GPC6: variants seen among roughly 807,000 people sequenced by gnomAD.
GPC6 encodes glypican-6.
In GPC6, 14 loss-of-function variants were observed where a neutral mutation model predicts 55.2. That is an observed-to-expected ratio of 0.25 (90% CI 0.17 to 0.40). GPC6 has a LOEUF of 0.40. Ranked by LOEUF, GPC6 falls within the 10% of genes least tolerant of loss-of-function variation. The probability of loss-of-function intolerance (pLI) is 1.00; values close to 1 mark genes in which losing one functional copy is unlikely to be tolerated. For missense variants in GPC6, 641 were observed against 708.5 expected, an observed-to-expected ratio of 0.90 and a Z score of 1.08; for synonymous variants, 278 against 259.6, an observed-to-expected ratio of 1.07 and a Z score of -0.68.
chr13:94,075,035 T>C (rs1440496331), intron 4 of GPC6, among the ~76,000 whole-genome samples: 1 of 152,232 alleles, frequency 6.6e-6, no homozygotes, highest in Non-Finnish European at 1.5e-5. Context: ...ATACTCATTA[T>C]GATTATAAAT....
Position 93,930,275 on chromosome 13 carries a change from G to GTTTTTTTT in GPC6, c.712-97448_712-97441dup, listed in dbSNP as rs35858695. 3.2e-5 allele frequency among the ~76,000 whole-genome samples: 4 copies of GTTTTTTTT among 123,854 alleles called. 1 individual carries two copies. Among genetic ancestry groups the GTTTTTTTT allele is most frequent in the African/African-American group, 1.3e-4 (4 of 31,306 alleles). The allele number at this position is 123,854 out of a possible 152,430, so 81.3% of individuals were successfully genotyped here. On this transcript the variant is annotated intron_variant, in intron 3 of 8. Transcript: ENST00000377047. ...TTTTAAAGGTTATTGGAAACGAAAG[G>GTTTTTTTT]TTTTTTTTTTTTTGTAGACAGAGTC...
intron 2 of GPC6, among the ~76,000 whole-genome samples, chr13:93,763,305 T>C (rs1412829373): frequency 1.3e-5 from 2 of 152,218 alleles, no homozygotes; most frequent in Non-Finnish European, 2.9e-5. Context: ...TTCCCTATGA[T>C]GCATGGAGCA....
At chr13:94,201,634 G>T (rs773819660) in intron 4 of GPC6, among the ~76,000 whole-genome samples, 1 of 152,048 alleles carries the variant, frequency 6.6e-6, no homozygotes. Context: ...AGCATCAGCT[G>T]ATCAATAAAA....
chr13:94,393,277 C>T (rs1262473531), intron 7 of GPC6, among the ~76,000 whole-genome samples: 3 of 152,058 alleles, frequency 2.0e-5, no homozygotes, highest in African/African-American at 7.2e-5. Context: ...CACAATCAAA[C>T]ATATTAGTAT....
At position 93,693,461 on chromosome 13, in the gene GPC6, C is replaced by CTGTGTGTGTGTGTG. The variant is rs35459356; in HGVS notation, c.320-136665_320-136652dup. Among the ~76,000 whole-genome samples, 1,208 of 139,412 alleles carry CTGTGTGTGTGTGTG rather than the reference C, an allele frequency of 8.7e-3. 11 individuals are homozygous for CTGTGTGTGTGTGTG. Among genetic ancestry groups the CTGTGTGTGTGTGTG allele is most frequent in the Middle Eastern group, 0.012 (3 of 246 alleles). The allele number at this position is 139,412 out of a possible 152,430, so 91.5% of individuals were successfully genotyped here. A position where few individuals can be genotyped will look rare whatever the true frequency, so the allele number is the denominator to read the frequency against. ...TATATGTGTGTGTGTGTATGTATAT[C>CTGTGTGTGTGTGTG]TGTGTGTGTGTGTGTGTGTGTGTGT... On this transcript the variant is annotated intron_variant, in intron 2 of 8. Coordinates refer to ENST00000377047, the MANE Select transcript of GPC6 (RefSeq NM_005708.5).
chr13:94,288,903 ATATATATTT>A (rs1176617374), intron 5 of GPC6, among the ~76,000 whole-genome samples: 9 of 130,780 alleles, frequency 6.9e-5, no homozygotes, highest in African/African-American at 2.2e-4. Flanking sequence ...TAACAAATAT[ATATATATTT>A]GTTATATATA....
chr13:93,890,210 G>T (rs1210429714), intron 3 of GPC6, among the ~76,000 whole-genome samples: 6 of 152,002 alleles, frequency 3.9e-5, no homozygotes, highest in Non-Finnish European at 8.8e-5. Flanking sequence ...GTATTGCGCT[G>T]GAACTAATCT....
chr13:94,280,827 AATAAGG>A (rs1328943505), intron 4 of GPC6, among the ~76,000 whole-genome samples: 3 of 152,158 alleles, frequency 2.0e-5, no homozygotes, highest in African/African-American at 7.2e-5. Context: ...CTGATACAAC[AATAAGG>A]TAGATTGTGC....
At chr13:93,298,362 T>C (rs1878564898) in intron 1 of GPC6, among the ~76,000 whole-genome samples, 1 of 152,150 alleles carries the variant, frequency 6.6e-6, no homozygotes, top group African/African-American at 2.4e-5. Context: ...CAGGCTTTCT[T>C]CCTCTTCTGT....
intron 4 of GPC6, among the ~76,000 whole-genome samples, chr13:94,256,928 C>A (rs1891524719): frequency 6.6e-6 from 1 of 152,170 alleles, no homozygotes; most frequent in South Asian, 2.1e-4. Flanking sequence ...GATAGCACAG[C>A]GATCTGCCTT....
chr13:94,310,553 A>G (rs1876194226), intron 6 of GPC6, among the ~76,000 whole-genome samples: 1 of 152,076 alleles, frequency 6.6e-6, no homozygotes, highest in East Asian at 1.9e-4. Flanking sequence ...TGTGTGGCGG[A>G]CTATGCAGCA....
At chr13:93,578,307 C>T (rs2139484675) in intron 2 of GPC6, among the ~76,000 whole-genome samples, 1 of 152,076 alleles carries the variant, frequency 6.6e-6, no homozygotes, top group East Asian at 1.9e-4. Context: ...TGGTAGAATT[C>T]AGCAGGGAAG....
intron 1 of GPC6, among the ~76,000 whole-genome samples, chr13:93,291,643 A>G (rs996313123): frequency 2.0e-5 from 3 of 152,154 alleles, no homozygotes; most frequent in African/African-American, 7.2e-5. Context: ...TCCCATTTGC[A>G]TTTTACCAGG....
chr13:93,588,997 G>A (rs1877338015), intron 2 of GPC6, among the ~76,000 whole-genome samples: 1 of 152,122 alleles, frequency 6.6e-6, no homozygotes, highest in Non-Finnish European at 1.5e-5. Context: ...ACCTCAGGAA[G>A]ACATTAAGAT....
intron 1 of GPC6, among the ~76,000 whole-genome samples, chr13:93,236,626 C>T (rs982756861): frequency 6.6e-6 from 1 of 152,146 alleles, no homozygotes; most frequent in Non-Finnish European, 1.5e-5. Context: ...GTTGCGTGCT[C>T]ATTATGAGAA....
intron 4 of GPC6, among the ~76,000 whole-genome samples, chr13:94,113,574 A>G (rs1232456967): frequency 4.7e-5 from 7 of 149,882 alleles, no homozygotes; most frequent in African/African-American, 7.3e-5. Context: ...AACCTTGTTT[A>G]CTATTACTTG....
intron 1 of GPC6, among the ~76,000 whole-genome samples, chr13:93,423,128 C>T (rs1445322322): frequency 6.6e-6 from 1 of 152,124 alleles, no homozygotes; most frequent in East Asian, 1.9e-4. Flanking sequence ...ATAAAACAAC[C>T]TGTAGTAATA....
At chr13:93,363,092 CT>C (rs912961666) in intron 1 of GPC6, among the ~76,000 whole-genome samples, 38 of 127,424 alleles carry the variant, frequency 3.0e-4, no homozygotes, top group South Asian at 1.9e-3. Context: ...GGTTTTGTGT[CT>C]TTTTTTTTCT....
intron 4 of GPC6, among the ~76,000 whole-genome samples, chr13:94,143,495 C>T (rs1382061206): frequency 1.3e-5 from 2 of 152,150 alleles, no homozygotes; most frequent in African/African-American, 4.8e-5. Flanking sequence ...AGAATCATGA[C>T]ATTCTTCTCA....
Sources: gnomAD v4.1 joint callset for allele counts (sites outside exome capture counted in the v4.1 genomes callset) on GRCh38, gnomAD v4.1.1 for gene constraint, MANE v1.5 for transcripts, NCBI Gene and HGNC (gene_info 2026-07-23, HGNC 2026-07-21) for gene names.